The following KCNH7 variants were observed in gnomAD, a reference collection of about 807,000 sequenced individuals.
KCNH7 encodes the protein voltage-gated inwardly rectifying potassium channel KCNH7.
Under a neutral mutation model 120.8 loss-of-function variants are expected in KCNH7, and 49 were observed. That is an observed-to-expected ratio of 0.41 (90% confidence interval 0.32 to 0.51). The LOEUF is 0.51. Among genes scored for constraint, KCNH7 ranks in the 20% least tolerant of loss-of-function variants. The pLI is 0.38. For synonymous variants in KCNH7, 547 were observed against 516.1 expected, an observed-to-expected ratio of 1.06 and a Z score of -0.81; for missense variants, 1,097 against 1,446.6, an observed-to-expected ratio of 0.76 and a Z score of 3.92.
intron 2 of KCNH7, among the ~76,000 whole-genome samples, chr2:162,604,212 A>T (rs1346702125): frequency 6.6e-6 from 1 of 152,154 alleles, no homozygotes; most frequent in African/African-American, 2.4e-5. Flanking sequence ...ATTGTTGCTT[A>T]CACATGGTTA....
At chr2:162,818,605 T>G (rs2105586222) in intron 2 of KCNH7, among the ~76,000 whole-genome samples, 1 of 152,306 alleles carries the variant, frequency 6.6e-6, no homozygotes, top group South Asian at 2.1e-4. Context: ...ACTTTTAGTC[T>G]GCTATAATTT....
At chr2:162,510,077 C>A (rs1054403699) in intron 5 of KCNH7, among the ~76,000 whole-genome samples, 14 of 151,538 alleles carry the variant, frequency 9.2e-5, no homozygotes, top group African/African-American at 3.4e-4. Flanking sequence ...GTACCCCTCT[C>A]ACATATTAGA....
chr2:162,777,834 G>A (rs568201069), intron 2 of KCNH7, among the ~76,000 whole-genome samples: 1 of 152,214 alleles, frequency 6.6e-6, no homozygotes, highest in East Asian at 1.9e-4. Context: ...TCCCTTGTGT[G>A]AAACAAGGCA....
At chr2:162,473,181 G>A (rs548987698) in intron 6 of KCNH7, among the ~76,000 whole-genome samples, 18 of 150,916 alleles carry the variant, frequency 1.2e-4, no homozygotes, top group South Asian at 6.3e-4. Flanking sequence ...GTAACAAACC[G>A]GCACGTTGTG....
intron 2 of KCNH7, among the ~76,000 whole-genome samples, chr2:162,821,581 G>C (rs919672383): frequency 6.6e-6 from 1 of 152,198 alleles, no homozygotes; most frequent in Non-Finnish European, 1.5e-5. Flanking sequence ...GATATAGTTT[G>C]TATTCAGAGT....
intron 3 of KCNH7, among the ~76,000 whole-genome samples, chr2:162,533,541 A>T (rs7575880): frequency 0.022 from 3,363 of 151,802 alleles, 66 homozygotes; most frequent in Non-Finnish European, 0.032. Flanking sequence ...GATACAGTAG[A>T]ATTTAGGGGG....
chr2:162,568,858 T>A (rs1693357033), intron 2 of KCNH7, among the ~76,000 whole-genome samples: 2 of 152,034 alleles, frequency 1.3e-5, no homozygotes, highest in Non-Finnish European at 2.9e-5. Context: ...ATGCTATGAC[T>A]TTGCATTCTG....
At chr2:162,734,241 T>A (rs1687824413) in intron 2 of KCNH7, among the ~76,000 whole-genome samples, 1 of 152,184 alleles carries the variant, frequency 6.6e-6, no homozygotes, top group Non-Finnish European at 1.5e-5. Flanking sequence ...TTTTCCCTCC[T>A]GGAACAAAGA....
At chr2:162,793,722 C>A (rs780752064) in intron 2 of KCNH7, among the ~76,000 whole-genome samples, 1 of 151,806 alleles carries the variant, frequency 6.6e-6, no homozygotes, top group Non-Finnish European at 1.5e-5. Context: ...TGCCAGGGAA[C>A]AGGGATTGGG....
rs767811837 is a variant in KCNH7, at chr2:162,400,430, A to G, written c.2166T>C (p.Gly722=). 2 of 1,611,472 alleles carry G rather than the reference A, an allele frequency of 1.2e-6. No homozygotes were observed. Among genetic ancestry groups the G allele is most frequent in the Non-Finnish European group, 1.7e-6 (2 of 1,178,426 alleles). The part of the protein sequence containing the change: ...NGIDMNMVLK[G]FPECLQADIC... ...TGTCTGCTTGTAAGCATTCTGGGAA[A>G]CCCTTTAGGACCTGAGGAAAAAAAG... Residue 722 remains glycine (G), a synonymous_variant, in exon 10 of 16, where the codon GGT becomes GGC. Transcript: ENST00000332142.
intron 8 of KCNH7, among the ~76,000 whole-genome samples, chr2:162,432,911 A>C (rs1688116384): frequency 6.6e-6 from 1 of 152,046 alleles, no homozygotes. Flanking sequence ...TAAACAACCA[A>C]AAATATTCTA....
chr2:162,766,680 G>C (rs995606584), intron 2 of KCNH7, among the ~76,000 whole-genome samples: 6 of 152,070 alleles, frequency 3.9e-5, no homozygotes, highest in African/African-American at 1.4e-4. Context: ...ATCATTTTCA[G>C]ACCATTTTAC....
At chr2:162,683,768 G>T (rs1441154380) in intron 2 of KCNH7, among the ~76,000 whole-genome samples, 2 of 151,878 alleles carry the variant, frequency 1.3e-5, no homozygotes, top group African/African-American at 4.8e-5. Context: ...ATTTTTGAAT[G>T]CCCAAAGTAA....
chr2:162,461,144 C>A (rs1689133153), intron 6 of KCNH7, among the ~76,000 whole-genome samples: 1 of 152,084 alleles, frequency 6.6e-6, no homozygotes, highest in African/African-American at 2.4e-5. Flanking sequence ...AACAGGAATG[C>A]TAGATAGCCA....
intron 2 of KCNH7, among the ~76,000 whole-genome samples, chr2:162,794,700 G>A (rs751488316): frequency 6.6e-6 from 1 of 151,916 alleles, no homozygotes; most frequent in African/African-American, 2.4e-5. Flanking sequence ...ATTACCTGAA[G>A]TTGCTCTATT....
At chr2:162,827,687 G>A (rs1175159422) in intron 2 of KCNH7, among the ~76,000 whole-genome samples, 1 of 152,154 alleles carries the variant, frequency 6.6e-6, no homozygotes. Flanking sequence ...AGAGTAGGTT[G>A]AGGTTTAAGA....
chr2:162,558,318 G>A (rs2105872556), intron 2 of KCNH7, among the ~76,000 whole-genome samples: 1 of 152,026 alleles, frequency 6.6e-6, no homozygotes, highest in African/African-American at 2.4e-5. Context: ...GGGACTACAG[G>A]TGCCCGCCAC....
At chr2:162,444,129 T>G (rs1406295867) in intron 7 of KCNH7, among the ~76,000 whole-genome samples, 1 of 152,172 alleles carries the variant, frequency 6.6e-6, no homozygotes, top group Non-Finnish European at 1.5e-5. Context: ...GCATTTACTC[T>G]TTCCTGAAAC....
At chr2:162,584,844 T>C (rs933995108) in intron 2 of KCNH7, among the ~76,000 whole-genome samples, 1 of 104,592 alleles carries the variant, frequency 9.6e-6, no homozygotes, top group African/African-American at 5.1e-5. Context: ...ATTCTCCTTT[T>C]AATTTTTTTT....
Sources: gnomAD v4.1 joint callset for allele counts (sites outside exome capture counted in the v4.1 genomes callset) on GRCh38, gnomAD v4.1.1 for gene constraint, MANE v1.5 for transcripts, NCBI Gene and HGNC (gene_info 2026-07-23, HGNC 2026-07-21) for gene names.